ANK2: variants seen among roughly 807,000 people sequenced by gnomAD.
The protein encoded by ANK2 is ankyrin 2, also known as ankyrin-2.
A neutral mutation model predicts 360.5 loss-of-function variants in ANK2; 83 were observed. The observed-to-expected ratio is 0.23, with a 90% CI of 0.19 to 0.28. The LOEUF (loss-of-function observed/expected upper bound fraction) is 0.28, where lower values mean the gene tolerates loss of function less well. ANK2 is among the 10% of genes least tolerant of loss of function. ANK2 has a pLI of 1.00. For missense variants in ANK2, 4,201 were observed against 4,795.7 expected (o/e 0.88, Z 3.66); for synonymous variants, 1,740 against 1,759.5 (o/e 0.99, Z 0.28).
chr4:113,366,749 C>G (rs2096553632), intron 41 of ANK2, among the ~76,000 whole-genome samples: 1 of 152,158 alleles, frequency 6.6e-6, no homozygotes, highest in Non-Finnish European at 1.5e-5. Flanking sequence ...AAAATACTAG[C>G]CCCATTTATC....
At chr4:112,769,238 T>A in the ANK2 span, among the ~76,000 whole-genome samples, 1 of 152,316 alleles carries the variant, frequency 6.6e-6, no homozygotes, top group African/African-American at 2.4e-5. Flanking sequence ...CTCATGGTGA[T>A]CATAGAAAAC....
intron 2 of ANK2, among the ~76,000 whole-genome samples, chr4:113,011,721 A>G (rs1304702284): frequency 1.3e-5 from 2 of 152,044 alleles, no homozygotes; most frequent in Non-Finnish European, 2.9e-5. Flanking sequence ...TCCTGCTTTT[A>G]GGAACAAAAA....
intron 1 of ANK2, among the ~76,000 whole-genome samples, chr4:113,097,583 G>T (rs142503482): frequency 6.4e-4 from 98 of 152,090 alleles, no homozygotes; most frequent in African/African-American, 2.3e-3. Context: ...TTTGGTACAT[G>T]TTCATTTCAG....
the ANK2 span, among the ~76,000 whole-genome samples, chr4:112,743,812 T>C: frequency 6.6e-6 from 1 of 152,076 alleles, no homozygotes; most frequent in Non-Finnish European, 1.5e-5. Context: ...CCCAAAGTGC[T>C]GGGATTACAG....
chr4:113,057,633 C>T (rs187447953), intron 1 of ANK2, among the ~76,000 whole-genome samples: 66 of 152,170 alleles, frequency 4.3e-4, no homozygotes, highest in African/African-American at 1.3e-3. Context: ...ACTCATTTTA[C>T]CTGTGAAAAT....
chr4:113,194,560 G>A (rs35085115), intron 2 of ANK2, among the ~76,000 whole-genome samples: 21,273 of 152,056 alleles, frequency 0.14, 1,593 homozygotes, highest in East Asian at 0.25. Context: ...AGATAACTTT[G>A]TTTTTTAGGA....
the ANK2 span, among the ~76,000 whole-genome samples, chr4:112,765,971 G>A: frequency 4.6e-5 from 7 of 152,218 alleles, no homozygotes; most frequent in Admixed American, 3.3e-4. Flanking sequence ...CTATGTAGTC[G>A]ATCCTAGTTA....
chr4:112,813,973 C>T (rs1448762832), upstream of ANK2, among the ~76,000 whole-genome samples: 2 of 152,132 alleles, frequency 1.3e-5, no homozygotes, highest in East Asian at 3.8e-4. Context: ...TCTGCCATTC[C>T]CCGTTAAAGC....
the ANK2 span, among the ~76,000 whole-genome samples, chr4:112,754,244 T>C: frequency 2.0e-5 from 3 of 150,844 alleles, no homozygotes; most frequent in African/African-American, 7.3e-5. Context: ...ACAATTACTG[T>C]GGCATGTCCT....
At chr4:113,233,817 T>C (rs772635517) in intron 5 of ANK2, among the ~76,000 whole-genome samples, 11 of 152,202 alleles carry the variant, frequency 7.2e-5, no homozygotes, top group Admixed American at 1.3e-4. Context: ...TGTTTTTGAG[T>C]TCTCTATTCA....
At position 113,199,099 on chromosome 4, in the gene ANK2, C is replaced by T. The variant is rs1246337263; in HGVS notation, c.374C>T (p.Ala125Val). 5.6e-6 allele frequency: 9 copies of T among 1,608,620 alleles called. No homozygotes were observed. In the East Asian group the frequency reaches 1.6e-4, roughly 28 times the overall value. ...GTTAAGGAAGGAGCCAATATTAATG[C>T]ACAGTCTCAGGTATTCCATTCAGAT... ...VLVKEGANIN[A>V]QSQNGFTPLY... The change falls in exon 4 of 46, where the codon GCA becomes GTA. Residue 125 changes from alanine to valine, a missense_variant. Physicochemically the swap from Ala to Val is moderately conservative, Grantham distance 64. Around this residue, in one of 4 missense-constraint regions of ANK2, gnomAD observed 169 missense variants for 191.1 expected, o/e 0.88. Coordinates refer to ENST00000357077, the MANE Select transcript of ANK2 (RefSeq NM_001148.6).
chr4:112,945,593 C>A (rs1175466370), intron 2 of ANK2, among the ~76,000 whole-genome samples: 1 of 152,150 alleles, frequency 6.6e-6, no homozygotes, highest in Non-Finnish European at 1.5e-5. Context: ...TCTATTAATT[C>A]CACATAATCC....
intron 1 of ANK2, among the ~76,000 whole-genome samples, chr4:112,831,899 C>T (rs1456210760): frequency 6.6e-6 from 1 of 152,138 alleles, no homozygotes; most frequent in Non-Finnish European, 1.5e-5. Flanking sequence ...AGCTTCACTC[C>T]TGAGGCCAGC....
At chr4:113,207,150 A>C (rs2098961606) in intron 4 of ANK2, among the ~76,000 whole-genome samples, 1 of 152,212 alleles carries the variant, frequency 6.6e-6, no homozygotes, top group African/African-American at 2.4e-5. Flanking sequence ...AAAAGACAAT[A>C]ATATTTTCAT....
intron 38 of ANK2, 33 bp downstream of exon 38, chr4:113,359,332 C>T (rs376646216): frequency 2.9e-5 from 47 of 1,611,026 alleles, no homozygotes; most frequent in Middle Eastern, 1.7e-4. Flanking sequence ...CCCTGTGCTA[C>T]GCATGTCATA....
chr4:112,724,556 T>TACACACACAC, the ANK2 span, among the ~76,000 whole-genome samples: 1,914 of 141,722 alleles, frequency 0.014, 36 homozygotes, highest in African/African-American at 0.041. Flanking sequence ...CACACACACA[T>TACACACACAC]ACACACACAC....
the ANK2 span, among the ~76,000 whole-genome samples, chr4:112,792,758 T>C: frequency 6.6e-6 from 1 of 152,210 alleles, no homozygotes; most frequent in Non-Finnish European, 1.5e-5. Context: ...CCCTGCTTAG[T>C]TGAGTTACTT....
chr4:113,262,679 A>T (rs1007631549), intron 13 of ANK2, among the ~76,000 whole-genome samples: 4 of 152,160 alleles, frequency 2.6e-5, no homozygotes, highest in African/African-American at 9.7e-5. Context: ...AAAAAATTTT[A>T]AAAAGTACAG....
At chr4:112,827,056 G>A in intron 1 of ANK2, 1 of 1,280,392 alleles carries the variant, frequency 7.8e-7, no homozygotes, top group Non-Finnish European at 1.1e-6. Flanking sequence ...CTTAACTGTT[G>A]CTGTGAACTT....
Sources: allele counts gnomAD v4.1 joint callset (sites outside exome capture counted in the v4.1 genomes callset), GRCh38; gene constraint gnomAD v4.1.1; regional missense constraint gnomAD v4.1.1; transcripts MANE v1.5; gene names NCBI Gene and HGNC (gene_info 2026-07-23, HGNC 2026-07-21).